Variants in ITGA8 observed in about 807,000 individuals in gnomAD.
ITGA8 encodes integrin alpha-8.
Under a neutral mutation model 142.3 loss-of-function variants are expected in ITGA8, and 91 were observed. The ratio of observed to expected loss-of-function variants is 0.64; its 90% CI spans 0.54 to 0.76. The LOEUF (loss-of-function observed/expected upper bound fraction) is 0.76, where lower values mean the gene tolerates loss of function less well. Ranked by LOEUF, ITGA8 falls within the 30% of genes least tolerant of loss-of-function variation. The pLI is 0.00. For missense variants in ITGA8, 1,406 were observed against 1,327.7 expected (o/e 1.06, Z -0.92); for synonymous variants, 505 against 485.2 (o/e 1.04, Z -0.54).
At chr10:15,688,782 T>C (rs1834879951) in intron 2 of ITGA8, among the ~76,000 whole-genome samples, 1 of 152,142 alleles carries the variant, frequency 6.6e-6, no homozygotes, top group Non-Finnish European at 1.5e-5. Flanking sequence ...GAGAAAGCCT[T>C]TGACAAAATT....
intron 6 of ITGA8, among the ~76,000 whole-genome samples, chr10:15,674,518 T>C (rs1372467832): frequency 6.6e-6 from 1 of 152,182 alleles, no homozygotes; most frequent in Admixed American, 6.6e-5. Context: ...AGCCATCTGT[T>C]GTGCAAAATA....
At chr10:15,560,324 T>C (rs1833952311) in intron 25 of ITGA8, among the ~76,000 whole-genome samples, 2 of 152,124 alleles carry the variant, frequency 1.3e-5, no homozygotes, top group Admixed American at 1.3e-4. Context: ...CAGATGTCCT[T>C]TTATGAGGAC....
chr10:15,601,261 T>G (rs1320712337), intron 20 of ITGA8, among the ~76,000 whole-genome samples: 1 of 150,264 alleles, frequency 6.7e-6, no homozygotes. Flanking sequence ...AAAAAGAAAA[T>G]GGAAGGGAAG....
intron 5 of ITGA8, among the ~76,000 whole-genome samples, 199 bp downstream of exon 5, chr10:15,678,523 T>C (rs1834675188): frequency 6.6e-6 from 1 of 152,224 alleles, no homozygotes; most frequent in African/African-American, 2.4e-5. Flanking sequence ...GGCCGCTATG[T>C]GCATAAATTA....
At chr10:15,673,513 T>C (rs1356782359) in intron 6 of ITGA8, among the ~76,000 whole-genome samples, 5 of 152,150 alleles carry the variant, frequency 3.3e-5, no homozygotes. Context: ...GGTCATATGG[T>C]TTTGCTAATA....
At chr10:15,574,278 A>G (rs973523157) in intron 24 of ITGA8, among the ~76,000 whole-genome samples, 2 of 152,264 alleles carry the variant, frequency 1.3e-5, no homozygotes, top group African/African-American at 4.8e-5. Context: ...TTTACTAATC[A>G]GTGAACTATT....
intron 20 of ITGA8, among the ~76,000 whole-genome samples, chr10:15,597,744 A>G (rs1833033237): frequency 6.6e-6 from 1 of 152,180 alleles, no homozygotes; most frequent in African/African-American, 2.4e-5. Flanking sequence ...CCTTGAACAC[A>G]AATTTCTATA....
At chr10:15,560,293 A>C (rs1282559442) in intron 25 of ITGA8, among the ~76,000 whole-genome samples, 2 of 152,190 alleles carry the variant, frequency 1.3e-5, no homozygotes, top group Non-Finnish European at 2.9e-5. Flanking sequence ...AAAAAATAAA[A>C]AGAAAAAAAG....
At chr10:15,643,661 A>T (rs566912637) in intron 13 of ITGA8, among the ~76,000 whole-genome samples, 20 of 152,330 alleles carry the variant, frequency 1.3e-4, no homozygotes, top group Admixed American at 7.8e-4. Context: ...AGGAGCTATG[A>T]GCTCAAAAGG....
At chr10:15,657,510 ATTTTTTTTT>A (rs34510305) in intron 10 of ITGA8, among the ~76,000 whole-genome samples, 3 of 132,496 alleles carry the variant, frequency 2.3e-5, no homozygotes, top group African/African-American at 8.5e-5. Flanking sequence ...CTTTTCTTTC[ATTTTTTTTT>A]TTTTTTTTTT....
Position 15,718,858 on chromosome 10 carries a change from T to C in ITGA8, c.251A>G (p.Gln84Arg). Residue 84 changes from glutamine to arginine, a missense_variant, in exon 2 of 30, where the codon CAG becomes CGG. Transcript: ENST00000378076. ...LVGAPKANTSQPDIVEGGAVY... is the reference protein window; with the variant it reads ...LVGAPKANTSRPDIVEGGAVY... The stretch of plus-strand genomic sequence containing the variant: ...GGCTCCCCCTTCCACGATATCGGGC[T>C]GGCTGGTGTTGGCTTTGGGCGCCCC... 1 of 1,614,130 alleles carries C rather than the reference T, an allele frequency of 6.2e-7. No individual in the cohort carries two copies. Among genetic ancestry groups the C allele is most frequent in the Non-Finnish European group, 8.5e-7 (1 of 1,180,028 alleles).
Position 15,515,120 on chromosome 10 carries a change from T to A in ITGA8, c.*2038A>T, listed in dbSNP as rs1446874799. On this transcript the variant is annotated 3_prime_UTR_variant, in exon 30 of 30. Transcript: ENST00000378076. ...GCCAGGATCACCAGATTCAGGGCATTACCTGGGGTCAGAGAGAGCTGTCTG... is the reference window on the plus strand; with the variant it reads ...GCCAGGATCACCAGATTCAGGGCATAACCTGGGGTCAGAGAGAGCTGTCTG... 6.6e-6 allele frequency: 1 copy of A among 152,214 alleles called. No individual in the cohort carries two copies. The highest frequency in any genetic ancestry group is 1.5e-5 in the Non-Finnish European group (1 of 68,072). The allele number at this position is 152,214 out of a possible 1,614,324, so 9.4% of individuals were successfully genotyped here. A position where few individuals can be genotyped will look rare whatever the true frequency, so the allele number is the denominator to read the frequency against.
chr10:15,543,545 G>C (rs1833612938), intron 27 of ITGA8, among the ~76,000 whole-genome samples: 1 of 152,184 alleles, frequency 6.6e-6, no homozygotes, highest in Non-Finnish European at 1.5e-5. Context: ...GATGGAAAAT[G>C]TATGCAGTGA....
At chr10:15,701,338 A>T (rs966373874) in intron 2 of ITGA8, among the ~76,000 whole-genome samples, 5 of 152,168 alleles carry the variant, frequency 3.3e-5, no homozygotes, top group African/African-American at 1.2e-4. Context: ...TACATCTGTG[A>T]TCTGAAAAGG....
intron 8 of ITGA8, among the ~76,000 whole-genome samples, chr10:15,663,300 A>G (rs1834324716): frequency 6.6e-6 from 1 of 152,106 alleles, no homozygotes; most frequent in South Asian, 2.1e-4. Context: ...CAGATATTTT[A>G]TTTTAGATAT....
chr10:15,596,005 C>G (rs1337624512), intron 21 of ITGA8, among the ~76,000 whole-genome samples: 1 of 152,166 alleles, frequency 6.6e-6, no homozygotes, highest in Non-Finnish European at 1.5e-5. Context: ...GAGCTAAGAT[C>G]GTGCCATTGC....
At chr10:15,576,732 A>G (rs538549221) in intron 23 of ITGA8, among the ~76,000 whole-genome samples, 1 of 152,322 alleles carries the variant, frequency 6.6e-6, no homozygotes, top group Non-Finnish European at 1.5e-5. Context: ...TGTACCACAA[A>G]TGTTCGGAAA....
chr10:15,536,746 T>C (rs1833446468), intron 27 of ITGA8, among the ~76,000 whole-genome samples: 1 of 152,210 alleles, frequency 6.6e-6, no homozygotes, highest in African/African-American at 2.4e-5. Context: ...ATTTAAACCA[T>C]GGTTTGTAGC....
At chr10:15,532,426 A>C (rs1219509652) in intron 27 of ITGA8, among the ~76,000 whole-genome samples, 1 of 146,988 alleles carries the variant, frequency 6.8e-6, no homozygotes, top group African/African-American at 2.5e-5. Context: ...CTCAAAAAAA[A>C]AAAAAAAAAA....
Sources: allele counts gnomAD v4.1 joint callset (sites outside exome capture counted in the v4.1 genomes callset), GRCh38; gene constraint gnomAD v4.1.1; transcripts MANE v1.5; gene names NCBI Gene and HGNC (gene_info 2026-07-23, HGNC 2026-07-21).